The following SYNPR variants were observed in gnomAD, a reference collection of about 807,000 sequenced individuals.
SYNPR encodes synaptoporin.
A neutral mutation model predicts 32.9 loss-of-function variants in SYNPR; 23 were observed. The observed-to-expected ratio is 0.70, with a 90% CI of 0.50 to 0.99. The LOEUF (loss-of-function observed/expected upper bound fraction) is 0.99. Among genes scored for constraint, SYNPR ranks in the 50% least tolerant of loss-of-function variants. The probability of loss-of-function intolerance (pLI) is 0.00; values close to 1 mark genes in which losing one functional copy is unlikely to be tolerated. For synonymous variants in SYNPR, 146 were observed against 135.9 expected (o/e 1.07, Z -0.52); for missense variants, 318 against 349.3 (o/e 0.91, Z 0.71).
intron 2 of SYNPR, among the ~76,000 whole-genome samples, chr3:63,311,390 G>C (rs1176616907): frequency 6.6e-6 from 1 of 151,970 alleles, no homozygotes; most frequent in Non-Finnish European, 1.5e-5. Context: ...ATAATGTAGA[G>C]CAGGGGTCCC....
chr3:63,390,452 C>A (rs1377455360), intron 2 of SYNPR, among the ~76,000 whole-genome samples: 1 of 152,114 alleles, frequency 6.6e-6, no homozygotes, highest in Non-Finnish European at 1.5e-5. Context: ...TGAGCTGACC[C>A]CTAAAAGAAG....
chr3:63,333,139 T>A (rs968978979), intron 2 of SYNPR, among the ~76,000 whole-genome samples: 2 of 151,978 alleles, frequency 1.3e-5, no homozygotes, highest in East Asian at 3.9e-4. Flanking sequence ...AAATTTTGAG[T>A]TCATCTTAGC....
At chr3:63,388,556 T>TTTTGTGTGTGTG (rs1338505690) in intron 2 of SYNPR, among the ~76,000 whole-genome samples, 2 of 128,018 alleles carry the variant, frequency 1.6e-5, no homozygotes, top group African/African-American at 5.9e-5. Context: ...CCCGGCTAAT[T>TTTTGTGTGTGTG]TGTGTGTGTG....
chr3:63,541,919 A>G (rs1030856652), intron 3 of SYNPR, among the ~76,000 whole-genome samples: 1 of 152,176 alleles, frequency 6.6e-6, no homozygotes, highest in African/African-American at 2.4e-5. Context: ...ACGAGGTAGC[A>G]GCAAAAAGAG....
upstream of SYNPR, among the ~76,000 whole-genome samples, chr3:63,276,584 T>C (rs1414461970): frequency 2.0e-5 from 3 of 152,032 alleles, no homozygotes; most frequent in South Asian, 2.1e-4. Flanking sequence ...TATACATACA[T>C]GGTAGGGTAC....
At chr3:63,222,570 G>T in the SYNPR span, among the ~76,000 whole-genome samples, 4 of 152,060 alleles carry the variant, frequency 2.6e-5, no homozygotes, top group African/African-American at 9.7e-5. Flanking sequence ...AGGGTGGAGT[G>T]CTGTGGTGTG....
intron 2 of SYNPR, among the ~76,000 whole-genome samples, chr3:63,360,759 G>A (rs192244829): frequency 4.2e-4 from 64 of 152,266 alleles, no homozygotes; most frequent in Admixed American, 2.0e-3. Flanking sequence ...TCATTCAGAT[G>A]CAGAGTGCCC....
intron 2 of SYNPR, chr3:63,443,485 T>C: frequency 1.9e-6 from 3 of 1,604,426 alleles, no homozygotes. Flanking sequence ...TTTACAGCTA[T>C]CTTGATTTAC....
intron 2 of SYNPR, among the ~76,000 whole-genome samples, chr3:63,408,123 C>G (rs1438405665): frequency 9.9e-6 from 1 of 101,438 alleles, no homozygotes; most frequent in Non-Finnish European, 2.0e-5. Flanking sequence ...TCCAGATAAA[C>G]AGAACCAATA....
intron 2 of SYNPR, among the ~76,000 whole-genome samples, chr3:63,419,314 A>C (rs2088578368): frequency 6.6e-6 from 1 of 152,152 alleles, no homozygotes; most frequent in Non-Finnish European, 1.5e-5. Context: ...TCAAAACTGA[A>C]CTAGGACCAG....
At chr3:63,354,708 T>C (rs921960192) in intron 2 of SYNPR, among the ~76,000 whole-genome samples, 7 of 152,192 alleles carry the variant, frequency 4.6e-5, no homozygotes, top group African/African-American at 1.7e-4. Flanking sequence ...ACATAGTAAA[T>C]ACTATATCAA....
intron 5 of SYNPR, among the ~76,000 whole-genome samples, chr3:63,611,029 T>C (rs907637327): frequency 2.0e-5 from 3 of 152,188 alleles, no homozygotes; most frequent in African/African-American, 7.2e-5. Context: ...GAAAACTCAA[T>C]TCAAACTGGC....
intron 2 of SYNPR, among the ~76,000 whole-genome samples, chr3:63,402,502 T>A (rs952565977): frequency 6.6e-6 from 1 of 152,236 alleles, no homozygotes; most frequent in African/African-American, 2.4e-5. Flanking sequence ...CTGGAAACAC[T>A]GTCCTTTTGC....
At chr3:63,381,135 A>T (rs2087963178) in intron 2 of SYNPR, among the ~76,000 whole-genome samples, 1 of 152,226 alleles carries the variant, frequency 6.6e-6, no homozygotes, top group Non-Finnish European at 1.5e-5. Flanking sequence ...AGATGATAAG[A>T]TTGTATATTT....
At chr3:63,548,144 G>A (rs1254101078) in intron 3 of SYNPR, among the ~76,000 whole-genome samples, 1 of 152,114 alleles carries the variant, frequency 6.6e-6, no homozygotes, top group African/African-American at 2.4e-5. Flanking sequence ...CTAATGACTG[G>A]CACATGAAGT....
intron 2 of SYNPR, among the ~76,000 whole-genome samples, chr3:63,282,910 T>TA (rs1401662744): frequency 6.6e-6 from 1 of 152,190 alleles, no homozygotes; most frequent in Non-Finnish European, 1.5e-5. Context: ...TTTGCACAAA[T>TA]AAAAAATATA....
rs1022562806 is a variant in SYNPR at position 63,616,231 on chromosome 3, G to C, written c.*750G>C. The C allele has an allele frequency of 6.6e-6, 1 of 152,162 alleles. No homozygotes were observed. The highest frequency in any genetic ancestry group is 2.4e-5 in the African/African-American group (1 of 41,456). 9.4% of individuals were successfully genotyped at this position (152,162 alleles called of 1,614,324 possible). A position where few individuals can be genotyped will look rare whatever the true frequency, so the allele number is the denominator to read the frequency against. On this transcript the variant is annotated 3_prime_UTR_variant, in exon 6 of 6. Transcript: ENST00000478300. ...TTAGTAAACATTTAGTGCTACATAT[G>C]ATAACTGCCCAATATTTATTCTATT...
chr3:63,365,014 A>G (rs1160117865), intron 2 of SYNPR, among the ~76,000 whole-genome samples: 1 of 152,182 alleles, frequency 6.6e-6, no homozygotes, highest in East Asian at 1.9e-4. Context: ...TTGACTTTGG[A>G]GAGTCTAAAA....
chr3:63,392,354 G>A (rs138792050), intron 2 of SYNPR, among the ~76,000 whole-genome samples: 1 of 152,100 alleles, frequency 6.6e-6, no homozygotes, highest in Non-Finnish European at 1.5e-5. Flanking sequence ...ATCATTTTCT[G>A]TCCCACATTT....
Sources: gnomAD v4.1 joint callset for allele counts (sites outside exome capture counted in the v4.1 genomes callset) on GRCh38, gnomAD v4.1.1 for gene constraint, MANE v1.5 for transcripts, NCBI Gene and HGNC (gene_info 2026-07-23, HGNC 2026-07-21) for gene names.